The following PIEZO2 variants were observed in gnomAD, a reference collection of about 807,000 sequenced individuals.
PIEZO2 encodes piezo type mechanosensitive ion channel component 2.
PIEZO2 carries 172 observed loss-of-function variants against 337.3 expected under a neutral mutation model. The ratio of observed to expected loss-of-function variants is 0.51; its 90% CI spans 0.45 to 0.58. The LOEUF (loss-of-function observed/expected upper bound fraction) is 0.58. PIEZO2 is among the 20% of genes least tolerant of loss of function. The pLI, the probability that PIEZO2 is intolerant of heterozygous loss-of-function variation, is 0.00. For synonymous variants in PIEZO2, 1,251 were observed against 1,228.5 expected (o/e 1.02, Z -0.38); for missense variants, 3,028 against 3,391.3 (o/e 0.89, Z 2.66).
At chr18:10,811,921 C>A (rs1364407981) in intron 7 of PIEZO2, among the ~76,000 whole-genome samples, 1 of 152,182 alleles carries the variant, frequency 6.6e-6, no homozygotes, top group Non-Finnish European at 1.5e-5. Context: ...GCGAGCTCCG[C>A]CTCCCGGGTT....
At chr18:10,827,248 T>C (rs1321417644) in intron 7 of PIEZO2, among the ~76,000 whole-genome samples, 1 of 152,184 alleles carries the variant, frequency 6.6e-6, no homozygotes, top group African/African-American at 2.4e-5. Context: ...TTCCAATGAG[T>C]GTGCATCGCC....
intron 4 of PIEZO2, among the ~76,000 whole-genome samples, chr18:10,896,945 T>G (rs1216072380): frequency 1.3e-5 from 2 of 152,120 alleles, no homozygotes; most frequent in African/African-American, 4.8e-5. Context: ...TGAAAAAAAG[T>G]CTCTCAACCA....
In PIEZO2 at chr18:10,766,545, G is replaced by A. The variant is rs1050922919; in HGVS notation, c.2947-3447C>T. On this transcript the variant is annotated intron_variant, in intron 21 of 55. Transcript: ENST00000674853. The surrounding 1 kb of genome is among the most constrained non-coding windows in gnomAD (Gnocchi z 6.1). ...TGTCATCCTATCTGAATATAACCTT[G>A]TGGGGCCTGAGGGCCCTGCCTCAAG... Among the ~76,000 whole-genome samples, 4 of 152,176 alleles carry A rather than the reference G, an allele frequency of 2.6e-5. No homozygotes were observed. Among genetic ancestry groups the A allele is most frequent in the African/African-American group, 4.8e-5 (2 of 41,434 alleles).
In PIEZO2 at chr18:10,863,177, T is replaced by A. The variant is rs889208088; in HGVS notation, c.493-5966A>T. Among the ~76,000 whole-genome samples the A allele has an allele frequency of 6.6e-6, 1 of 152,204 alleles. No individual in the cohort carries two copies. The highest frequency in any genetic ancestry group is 1.5e-5 in the Non-Finnish European group (1 of 68,032). ...AACAATTTATCTTAACAGAATGGGT[T>A]CATCTCAATACAAGAGCCAGAGGAA... is the stretch of plus-strand genomic sequence containing the variant. On this transcript the variant is annotated intron_variant, in intron 5 of 55. Coordinates refer to ENST00000674853, the MANE Select transcript of PIEZO2 (RefSeq NM_001378183.1). This position sits in a 1 kb window ranked among gnomAD's most constrained non-coding sequence, Gnocchi z 4.3.
intron 18 of PIEZO2, 111 bp from the exon 19 acceptor site, chr18:10,774,149 T>C (rs2038704566): frequency 1.5e-6 from 1 of 672,432 alleles, no homozygotes; most frequent in Non-Finnish European, 2.7e-6. Flanking sequence ...ATTGCATTCC[T>C]GTATGCCTGT....
intron 4 of PIEZO2, among the ~76,000 whole-genome samples, chr18:10,910,979 T>A (rs1180123217): frequency 6.6e-6 from 1 of 151,224 alleles, no homozygotes; most frequent in Admixed American, 6.6e-5. Flanking sequence ...TATCTTTATT[T>A]CCACTCTGTG....
chr18:10,993,678 C>CA lies in PIEZO2; in HGVS notation c.161-14019dup, dbSNP rs1164921688. Among the ~76,000 whole-genome samples the CA allele has an allele frequency of 6.6e-6, 1 of 152,114 alleles. No individual in the cohort carries two copies. The highest frequency in any genetic ancestry group is 1.5e-5 in the Non-Finnish European group (1 of 68,012). On this transcript the variant is annotated intron_variant, in intron 2 of 55. Coordinates refer to ENST00000674853, the MANE Select transcript of PIEZO2 (RefSeq NM_001378183.1). This position sits in a 1 kb window ranked among gnomAD's most constrained non-coding sequence, Gnocchi z 5.0. The stretch of plus-strand genomic sequence containing the variant: ...AGTAGCTGAGACTACAGGCGCCTCT[C>CA]ACAATGCCCGGCTAATTTTTCTGTA...
Position 10,724,661 on chromosome 18 carries a change from C to A in PIEZO2, c.5030-6402G>T. 2.3e-6 allele frequency: 2 copies of A among 857,546 alleles called. No individual in the cohort carries two copies. Among genetic ancestry groups the A allele is most frequent in the Non-Finnish European group, 3.7e-6 (2 of 537,800 alleles). The allele number at this position is 857,546 out of a possible 1,614,324, so 53.1% of individuals were successfully genotyped here. A position where few individuals can be genotyped will look rare whatever the true frequency, so the allele number is the denominator to read the frequency against. Reference sequence around the variant, plus strand: ...TCTCAGGCGTATGATCAGGCACCCACCAGCCCACCTACCAGTCTGCTGTCC... The same window carrying A: ...TCTCAGGCGTATGATCAGGCACCCAACAGCCCACCTACCAGTCTGCTGTCC... On this transcript the variant is annotated intron_variant, in intron 36 of 55. Transcript: ENST00000674853. The surrounding 1 kb of genome is among the most constrained non-coding windows in gnomAD (Gnocchi z 5.8).
chr18:10,808,585 C>T (rs1383895809), intron 7 of PIEZO2, among the ~76,000 whole-genome samples: 1 of 152,148 alleles, frequency 6.6e-6, no homozygotes, highest in African/African-American at 2.4e-5. Flanking sequence ...ATTAAACTAA[C>T]TTTCTTCATT....
In PIEZO2 at chr18:10,929,261, AG is replaced by A. The variant is rs2031941708; in HGVS notation, c.287-18034del. 6.6e-6 allele frequency among the ~76,000 whole-genome samples: 1 copy of A among 152,214 alleles called. No individual in the cohort carries two copies. Reference sequence around the variant, plus strand: ...GGAGAACTCAAGAAAAGAAATTAAAAGTGTGAGCGAGCTGCAAACGTGCACG... The same window carrying A: ...GGAGAACTCAAGAAAAGAAATTAAAATGTGAGCGAGCTGCAAACGTGCACG... On this transcript the variant is annotated intron_variant, in intron 3 of 55. Coordinates refer to ENST00000674853, the MANE Select transcript of PIEZO2 (RefSeq NM_001378183.1). The surrounding 1 kb of genome is among the most constrained non-coding windows in gnomAD (Gnocchi z 5.6).
In PIEZO2 at chr18:11,112,455, A is replaced by C. The variant is rs1337598773; in HGVS notation, c.64+36070T>G. On this transcript the variant is annotated intron_variant, in intron 1 of 55. Transcript: ENST00000674853. The surrounding 1 kb of genome is among the most constrained non-coding windows in gnomAD (Gnocchi z 4.3). Reference sequence around the variant, plus strand: ...TGTCATGACCAAAATATGTACTCCAACTCCATCATTTATTTACATGGAACT... The same window carrying C: ...TGTCATGACCAAAATATGTACTCCACCTCCATCATTTATTTACATGGAACT... Among the ~76,000 whole-genome samples, 1 of 152,092 alleles carries C rather than the reference A, an allele frequency of 6.6e-6. No homozygotes were observed. Among genetic ancestry groups the C allele is most frequent in the African/African-American group, 2.4e-5 (1 of 41,408 alleles).
chr18:11,076,829 C>T (rs114069720), intron 1 of PIEZO2, among the ~76,000 whole-genome samples: 135 of 152,242 alleles, frequency 8.9e-4, no homozygotes, highest in African/African-American at 3.1e-3. Context: ...TGATTGAATA[C>T]AGTTTGCATA....
chr18:10,733,089 G>C (rs1382980067), intron 35 of PIEZO2, among the ~76,000 whole-genome samples: 1 of 152,138 alleles, frequency 6.6e-6, no homozygotes, highest in South Asian at 2.1e-4. Context: ...GAGAGGAAAA[G>C]GGATGTGAAG....
At position 10,863,553 on chromosome 18, in the gene PIEZO2, G is replaced by T. The variant is rs1169334787; in HGVS notation, c.493-6342C>A. Among the ~76,000 whole-genome samples, 2 of 152,182 alleles carry T rather than the reference G, an allele frequency of 1.3e-5. No homozygotes were observed. Among genetic ancestry groups the T allele is most frequent in the Non-Finnish European group, 2.9e-5 (2 of 68,028 alleles). On this transcript the variant is annotated intron_variant, in intron 5 of 55. Coordinates refer to ENST00000674853, the MANE Select transcript of PIEZO2 (RefSeq NM_001378183.1). The surrounding 1 kb of genome is among the most constrained non-coding windows in gnomAD (Gnocchi z 4.3). ...TGAATCAGCAGACAGTGGCCAGTTA[G>T]ACCAATGCCTAAAGGATCTGTGGAG...
chr18:10,786,261 T>C (rs1168667622), intron 16 of PIEZO2, among the ~76,000 whole-genome samples: 1 of 152,252 alleles, frequency 6.6e-6, no homozygotes, highest in Non-Finnish European at 1.5e-5. Flanking sequence ...ATAGTTTTGT[T>C]TGTCTCCTCT....
intron 4 of PIEZO2, among the ~76,000 whole-genome samples, chr18:10,886,378 G>GTATATA (rs1214519492): frequency 0.012 from 37 of 3,170 alleles, 2 homozygotes; most frequent in Non-Finnish European, 0.016. Context: ...ATGTGTGTGT[G>GTATATA]TGTATATATA....
intron 52 of PIEZO2, among the ~76,000 whole-genome samples, chr18:10,679,992 TG>T (rs2034190913): frequency 6.6e-6 from 1 of 152,208 alleles, no homozygotes; most frequent in Non-Finnish European, 1.5e-5. Context: ...GTTCTTAGTC[TG>T]GTTAGTGATT....
At chr18:11,042,900 C>T (rs115557349) in intron 2 of PIEZO2, among the ~76,000 whole-genome samples, 7,870 of 152,156 alleles carry the variant, frequency 0.052, 259 homozygotes, top group Middle Eastern at 0.095. Flanking sequence ...AAATGAGATA[C>T]AGAAAATACT....
At position 11,148,162 on chromosome 18, in the gene PIEZO2, C is replaced by T. The variant is rs1003138023; in HGVS notation, c.64+363G>A. Among the ~76,000 whole-genome samples the T allele has an allele frequency of 5.3e-5, 8 of 152,122 alleles. No individual in the cohort carries two copies. The highest frequency in any genetic ancestry group is 1.7e-4 in the African/African-American group (7 of 41,416). On this transcript the variant is annotated intron_variant, in intron 1 of 55. Coordinates refer to ENST00000674853, the MANE Select transcript of PIEZO2 (RefSeq NM_001378183.1). This position sits in a 1 kb window ranked among gnomAD's most constrained non-coding sequence, Gnocchi z 5.2. ...CTTGCAGGGTCACTGGGGCGAGGGGCTCAGGTAGGAGCCTGACTGTACCTA... is the reference window on the plus strand; with the variant it reads ...CTTGCAGGGTCACTGGGGCGAGGGGTTCAGGTAGGAGCCTGACTGTACCTA...
Sources: gnomAD v4.1 joint callset for allele counts (sites outside exome capture counted in the v4.1 genomes callset) on GRCh38, gnomAD v4.1.1 for gene constraint, Gnocchi (gnomAD v3.1) non-coding constraint, MANE v1.5 for transcripts, NCBI Gene and HGNC (gene_info 2026-07-23, HGNC 2026-07-21) for gene names.